The following USP8 variants were observed in gnomAD, a reference collection of about 807,000 sequenced individuals.
The protein encoded by USP8 is ubiquitin carboxyl-terminal hydrolase 8.
In USP8, 27 loss-of-function variants were observed where a neutral mutation model predicts 130.0. The ratio of observed to expected loss-of-function variants is 0.21; its 90% confidence interval spans 0.15 to 0.29. The LOEUF (loss-of-function observed/expected upper bound fraction) is 0.29. Among genes scored for constraint, USP8 ranks in the 10% least tolerant of loss-of-function variants. The pLI is 1.00. For synonymous variants in USP8, 392 were observed against 444.1 expected, an observed-to-expected ratio of 0.88 and a Z score of 1.48; for missense variants, 1,029 against 1,312.2, an observed-to-expected ratio of 0.78 and a Z score of 3.33.
intron 4 of USP8, among the ~76,000 whole-genome samples, chr15:50,451,981 G>GC (rs1451181801): frequency 6.6e-6 from 1 of 152,218 alleles, no homozygotes; most frequent in African/African-American, 2.4e-5. Flanking sequence ...GACCACGGAG[G>GC]CGTGTGTGCC....
Position 50,500,039 on chromosome 15 carries a change from A to G in USP8, c.*951A>G, listed in dbSNP as rs1328696519. 6.6e-6 allele frequency: 1 copy of G among 152,140 alleles called. No individual in the cohort carries two copies. Among genetic ancestry groups the G allele is most frequent in the Non-Finnish European group, 1.5e-5 (1 of 68,026 alleles). 9.4% of individuals were successfully genotyped at this position (152,140 alleles called of 1,614,324 possible). On this transcript the variant is annotated 3_prime_UTR_variant, in exon 20 of 20. Coordinates refer to ENST00000307179, the MANE Select transcript of USP8 (RefSeq NM_005154.5). ...AGAGGGTTAAAGGAGCTTATAATTT[A>G]TTTAACCGAGGGACTCAGTTGCTAT...
intron 1 of USP8, among the ~76,000 whole-genome samples, chr15:50,433,315 T>C (rs1179845804): frequency 6.6e-6 from 1 of 152,172 alleles, no homozygotes; most frequent in African/African-American, 2.4e-5. Context: ...GATTATGAGA[T>C]TTAAGACAGC....
At chr15:50,434,972 A>C (rs892522834) in intron 1 of USP8, among the ~76,000 whole-genome samples, 2 of 152,214 alleles carry the variant, frequency 1.3e-5, no homozygotes, top group Admixed American at 1.3e-4. Flanking sequence ...AGATCTAAAC[A>C]AATAAATTCT....
At chr15:50,459,310 A>G in intron 5 of USP8, 148 bp downstream of exon 5, 1 of 1,149,380 alleles carries the variant, frequency 8.7e-7, no homozygotes, top group Middle Eastern at 3.1e-4. Context: ...AAGGCTGGGC[A>G]CGGTGGCTCA....
At chr15:50,495,766 GTGTT>G (rs2052374053) in intron 16 of USP8, 78 bp from the exon 17 acceptor site, 1 of 1,112,888 alleles carries the variant, frequency 9.0e-7, no homozygotes, top group Non-Finnish European at 1.3e-6. Context: ...AATCTGGCAA[GTGTT>G]TGTATTCACT....
intron 1 of USP8, among the ~76,000 whole-genome samples, chr15:50,438,405 G>A (rs1372884745): frequency 6.6e-6 from 1 of 152,156 alleles, no homozygotes; most frequent in African/African-American, 2.4e-5. Flanking sequence ...CCAATATGAC[G>A]AAACCCCGTA....
At chr15:50,452,612 G>A (rs1372998650) in intron 4 of USP8, among the ~76,000 whole-genome samples, 1 of 152,208 alleles carries the variant, frequency 6.6e-6, no homozygotes, top group Non-Finnish European at 1.5e-5. Context: ...TACTAGAGAA[G>A]AAATATAGAG....
intron 1 of USP8, chr15:50,424,789 C>G: frequency 3.4e-6 from 1 of 295,878 alleles, no homozygotes. Flanking sequence ...CTCTTGGACA[C>G]TTATACCCGA....
chr15:50,438,780 A>G (rs1595903869), intron 1 of USP8, among the ~76,000 whole-genome samples: 1 of 152,184 alleles, frequency 6.6e-6, no homozygotes, highest in East Asian at 1.9e-4. Flanking sequence ...CCAACTCTTA[A>G]GGCAAAATGA....
chr15:50,471,430 A>G (rs17519536), intron 7 of USP8, among the ~76,000 whole-genome samples: 20,796 of 152,216 alleles, frequency 0.14, 1,942 homozygotes, highest in Middle Eastern at 0.28. Context: ...TACTAAAACT[A>G]TGTTCCAATA....
At chr15:50,445,876 GAGATTT>G (rs2050424227) in intron 3 of USP8, among the ~76,000 whole-genome samples, 1 of 150,472 alleles carries the variant, frequency 6.6e-6, no homozygotes, top group Non-Finnish European at 1.5e-5. Flanking sequence ...AAAAAAAATT[GAGATTT>G]AGATAAAACA....
Position 50,471,195 on chromosome 15 carries a change from A to G in USP8, c.687-438A>G, listed in dbSNP as rs184356262. Among the ~76,000 whole-genome samples, 299 of 152,342 alleles carry G rather than the reference A, an allele frequency of 2.0e-3. 1 individual carries two copies. Among genetic ancestry groups the G allele is most frequent in the African/African-American group, 6.3e-3 (262 of 41,582 alleles). ...CAGTATCTGGCACATGGTAAATGCT[A>G]TATGTGTTTGTTGAATAAACATCCT... is the stretch of plus-strand genomic sequence containing the variant. On this transcript the variant is annotated intron_variant, in intron 7 of 19. Transcript: ENST00000307179.
Position 50,459,174 on chromosome 15 carries a change from T to A in USP8, c.498+12T>A, listed in dbSNP as rs2050895598. The A allele has an allele frequency of 6.3e-7, 1 of 1,597,064 alleles. No homozygotes were observed. Among genetic ancestry groups the A allele is most frequent in the African/African-American group, 1.4e-5 (1 of 73,736 alleles). On this transcript the variant is annotated intron_variant, in intron 5 of 19. Coordinates refer to ENST00000307179, the MANE Select transcript of USP8 (RefSeq NM_005154.5). ...ACAAAACCCAAAAGGTATTTCAAAT[T>A]TAATGTGTGAGTTAAAAGACTGTTT...
Position 50,501,118 on chromosome 15 carries a change from CACTT to C in USP8, c.*2032_*2035del. On this transcript the variant is annotated 3_prime_UTR_variant, in exon 20 of 20. Coordinates refer to ENST00000307179, the MANE Select transcript of USP8 (RefSeq NM_005154.5). ...TGTTTATCAGTGAACATTTAGTTAG[CACTT>C]AATATACATCAACTATTAAGCATTA... is the stretch of plus-strand genomic sequence containing the variant. The C allele has an allele frequency of 3.0e-6, 1 of 336,444 alleles. No homozygotes were observed. The highest frequency in any genetic ancestry group is 5.7e-6 in the Non-Finnish European group (1 of 174,616). 20.8% of individuals were successfully genotyped at this position (336,444 alleles called of 1,614,324 possible).
At chr15:50,455,371 C>G (rs1040556392) in intron 4 of USP8, among the ~76,000 whole-genome samples, 5 of 145,832 alleles carry the variant, frequency 3.4e-5, no homozygotes, top group Admixed American at 2.0e-4. Flanking sequence ...AGCCACTGCG[C>G]CCAGCCCAAT....
intron 10 of USP8, among the ~76,000 whole-genome samples, chr15:50,477,848 A>T (rs1044497227): frequency 2.6e-5 from 4 of 152,160 alleles, no homozygotes; most frequent in Non-Finnish European, 4.4e-5. Context: ...CAAAAAAAAA[A>T]AAAAGAATTA....
intron 8 of USP8, among the ~76,000 whole-genome samples, chr15:50,475,342 C>T (rs1308356128): frequency 6.6e-6 from 1 of 152,026 alleles, no homozygotes; most frequent in Non-Finnish European, 1.5e-5. Flanking sequence ...AAATGTCCAA[C>T]TTCACCAATA....
At chr15:50,442,507 G>C (rs2050292628) in intron 3 of USP8, among the ~76,000 whole-genome samples, 1 of 152,124 alleles carries the variant, frequency 6.6e-6, no homozygotes, top group Non-Finnish European at 1.5e-5. Context: ...CTTTTAGGAG[G>C]CCAAGGTGGG....
intron 8 of USP8, among the ~76,000 whole-genome samples, chr15:50,473,896 G>A (rs1212844378): frequency 1.3e-5 from 2 of 151,848 alleles, no homozygotes; most frequent in African/African-American, 2.4e-5. Flanking sequence ...GTGCAGTGGT[G>A]CAATCTTGGC....
Sources: allele counts gnomAD v4.1 joint callset (sites outside exome capture counted in the v4.1 genomes callset), GRCh38; gene constraint gnomAD v4.1.1; transcripts MANE v1.5; gene names NCBI Gene and HGNC (gene_info 2026-07-23, HGNC 2026-07-21).